SLC6A9: variants seen among roughly 807,000 people sequenced by gnomAD.
The protein encoded by SLC6A9 is solute carrier family 6 member 9.
A neutral mutation model predicts 70.9 loss-of-function variants in SLC6A9; 31 were observed. The ratio of observed to expected loss-of-function variants is 0.44; its 90% CI spans 0.33 to 0.59. The LOEUF is 0.59. Ranked by LOEUF, SLC6A9 falls within the 20% of genes least tolerant of loss-of-function variation. SLC6A9 has a pLI of 0.04. For synonymous variants in SLC6A9, 310 were observed against 341.3 expected (o/e 0.91, Z 1.01); for missense variants, 631 against 845.2 (o/e 0.75, Z 3.14).
rs1351949806 is a variant in SLC6A9, at chr1:44,018,895, A to C, written c.30+5353T>G. Among the ~76,000 whole-genome samples, 2 of 152,154 alleles carry C rather than the reference A, an allele frequency of 1.3e-5. No individual in the cohort carries two copies. The highest frequency in any genetic ancestry group is 2.9e-5 in the Non-Finnish European group (2 of 68,024). ...TAGTGAGCTATGATCACACCACTGC[A>C]CTCCAAACTGGGTGACAAAGTGAGA... On this transcript the variant is annotated intron_variant, in intron 2 of 13. Coordinates refer to ENST00000372310, the MANE Select transcript of SLC6A9 (RefSeq NM_001024845.3). This position sits in a 1 kb window ranked among gnomAD's most constrained non-coding sequence, Gnocchi z 4.2.
At chr1:44,000,662 T>G in intron 12 of SLC6A9, 105 bp downstream of exon 12, 1 of 744,206 alleles carries the variant, frequency 1.3e-6, no homozygotes, top group Non-Finnish European at 2.3e-6. Context: ...GGTATGGAGC[T>G]CCGGCCAGGT....
intron 2 of SLC6A9, chr1:44,017,018 G>C: frequency 6.4e-7 from 1 of 1,561,694 alleles, no homozygotes; most frequent in Non-Finnish European, 8.6e-7. Context: ...CACCAAGGAG[G>C]GGGCTCAACT....
chr1:44,006,397 G>A (rs1001135947), intron 5 of SLC6A9, among the ~76,000 whole-genome samples: 1 of 151,834 alleles, frequency 6.6e-6, no homozygotes, highest in Non-Finnish European at 1.5e-5. Context: ...AGACCAGCCC[G>A]GCCAACATGT....
chr1:44,006,637 G>C (rs997672428), intron 5 of SLC6A9, among the ~76,000 whole-genome samples: 3 of 150,572 alleles, frequency 2.0e-5, no homozygotes, highest in Admixed American at 1.3e-4. Context: ...TCAGTTCCAG[G>C]TGTATTTTTT....
At chr1:44,006,586 CAAAA>C (rs34759206) in intron 5 of SLC6A9, among the ~76,000 whole-genome samples, 1 of 67,602 alleles carries the variant, frequency 1.5e-5, no homozygotes, top group African/African-American at 6.6e-5. Context: ...GATTCTGTCT[CAAAA>C]AAAAAAAAAA....
chr1:44,006,607 A>AG (rs2086325702), intron 5 of SLC6A9, among the ~76,000 whole-genome samples: 1 of 151,740 alleles, frequency 6.6e-6, no homozygotes, highest in Non-Finnish European at 1.5e-5. Flanking sequence ...AAAAAAAAAA[A>AG]AAAGAAATCA....
rs187333672 is a variant in SLC6A9, at chr1:44,008,070, G to A, written c.590+283C>T. Among the ~76,000 whole-genome samples, 302 of 152,060 alleles carry A rather than the reference G, an allele frequency of 2.0e-3. 4 individuals are homozygous for A. The highest frequency in any genetic ancestry group is 0.016 in the Admixed American group (251 of 15,278). ...TTTTTAGTAGAGACAGGGTTTCACC[G>A]TGTTAGCCAGGATGGTCTCGATCTC... is the stretch of plus-strand genomic sequence containing the variant. On this transcript the variant is annotated intron_variant, in intron 5 of 13. Transcript: ENST00000372310.
At chr1:44,023,722 C>T (rs1486499363) in intron 2 of SLC6A9, among the ~76,000 whole-genome samples, 5 of 152,106 alleles carry the variant, frequency 3.3e-5, no homozygotes, top group Non-Finnish European at 7.4e-5. Flanking sequence ...TCCCGTGTCT[C>T]GTGGCCTCAC....
intron 12 of SLC6A9, among the ~76,000 whole-genome samples, chr1:43,999,347 C>T (rs555647260): frequency 1.3e-5 from 2 of 151,606 alleles, no homozygotes; most frequent in Non-Finnish European, 2.9e-5. Flanking sequence ...GGAAGAGCCC[C>T]GCCCGCTGTG....
Position 44,000,894 on chromosome 1 carries a change from C to G in SLC6A9, c.1436-27G>C, listed in dbSNP as rs748912355. 4 of 1,598,734 alleles carry G rather than the reference C, an allele frequency of 2.5e-6. 1 individual carries two copies. In the African/African-American group the frequency reaches 5.4e-5, roughly 21 times the overall value. Reference sequence around the variant, plus strand: ...TGGAGAGATGGGGGGTCAGCAGACCCGCAGGACAGAGTGGGCGGGCCAAGG... The same window carrying G: ...TGGAGAGATGGGGGGTCAGCAGACCGGCAGGACAGAGTGGGCGGGCCAAGG... On this transcript the variant is annotated intron_variant, in intron 11 of 13. Coordinates refer to ENST00000372310, the MANE Select transcript of SLC6A9 (RefSeq NM_001024845.3).
chr1:44,011,715 A>C (rs1183281167), intron 2 of SLC6A9: 1 of 1,613,890 alleles, frequency 6.2e-7, no homozygotes, highest in East Asian at 2.2e-5. Context: ...AACAGGGAGA[A>C]GCGTCACCTG....
At position 43,997,401 on chromosome 1, in the gene SLC6A9, G is replaced by T; in HGVS notation, c.*144C>A. The T allele has an allele frequency of 1.4e-6, 1 of 706,470 alleles. No individual in the cohort carries two copies. Among genetic ancestry groups the T allele is most frequent in the Non-Finnish European group, 2.5e-6 (1 of 402,672 alleles). The allele number at this position is 706,470 out of a possible 1,614,324, so 43.8% of individuals were successfully genotyped here. A position where few individuals can be genotyped will look rare whatever the true frequency, so the allele number is the denominator to read the frequency against. Reference sequence around the variant, plus strand: ...ACTGGGGACATGAGCATGAATGACTGCACTAGCAGTGGTGACCAAGGTGAC... The same window carrying T: ...ACTGGGGACATGAGCATGAATGACTTCACTAGCAGTGGTGACCAAGGTGAC... On this transcript the variant is annotated 3_prime_UTR_variant, in exon 14 of 14. Transcript: ENST00000372310. This position sits in a 1 kb window ranked among gnomAD's most constrained non-coding sequence, Gnocchi z 4.4.
chr1:44,010,464 G>GGGT (rs2086514784), intron 3 of SLC6A9: 1 of 234,588 alleles, frequency 4.3e-6, no homozygotes, highest in Admixed American at 5.7e-5. Flanking sequence ...GGCGGGGGGG[G>GGGT]GGGGGGGTTA....
chr1:43,997,575 G>A lies in SLC6A9; in HGVS notation c.1872C>T (p.Gly624=). 6.2e-7 allele frequency: 1 copy of A among 1,613,726 alleles called. No individual in the cohort carries two copies. Among genetic ancestry groups the A allele is most frequent in the Non-Finnish European group, 8.5e-7 (1 of 1,179,972 alleles). Residue 624 remains glycine (G), a synonymous_variant, in exon 14 of 14, where the codon GGC becomes GGT. Transcript: ENST00000372310. The surrounding 1 kb of genome is among the most constrained non-coding windows in gnomAD (Gnocchi z 4.4). ...KAQIPIVGSN[G]SSRLQDSRI is the part of the protein sequence containing the mutation. ...TCCGGGAGTCCTGGAGGCGGCTGGA[G>A]CCATTACTGCCCACAATGGGGATCT... is the stretch of plus-strand genomic sequence containing the variant.
chr1:43,997,478 T>C lies in SLC6A9; in HGVS notation c.*67A>G. On this transcript the variant is annotated 3_prime_UTR_variant, in exon 14 of 14. Coordinates refer to ENST00000372310, the MANE Select transcript of SLC6A9 (RefSeq NM_001024845.3). The surrounding 1 kb of genome is among the most constrained non-coding windows in gnomAD (Gnocchi z 4.4). ...AGGGGGCAGGCAGAGACACCTGGCC[T>C]CTGCCTCACCAGTCTCTGCGGTGGG... is the stretch of plus-strand genomic sequence containing the variant. 6.9e-7 allele frequency: 1 copy of C among 1,456,772 alleles called. No individual in the cohort carries two copies. The highest frequency in any genetic ancestry group is 1.9e-5 in the Admixed American group (1 of 53,344). 90.2% of individuals were successfully genotyped at this position (1,456,772 alleles called of 1,614,324 possible).
chr1:44,021,310 C>G (rs988327980), intron 2 of SLC6A9, among the ~76,000 whole-genome samples: 3 of 152,180 alleles, frequency 2.0e-5, no homozygotes, highest in Non-Finnish European at 4.4e-5. Context: ...GTCCTAGGAG[C>G]TGCTGAGGCG....
intron 1 of SLC6A9, among the ~76,000 whole-genome samples, chr1:44,030,231 G>A (rs963726694): frequency 9.2e-5 from 14 of 152,276 alleles, no homozygotes; most frequent in African/African-American, 2.9e-4. Flanking sequence ...CGCTTTAATC[G>A]GGGAGAGAGA....
intron 2 of SLC6A9, among the ~76,000 whole-genome samples, chr1:44,015,531 T>A (rs2086711376): frequency 6.6e-6 from 1 of 152,262 alleles, no homozygotes; most frequent in African/African-American, 2.4e-5. Context: ...CATCCCAGAC[T>A]GACTTTGAGC....
chr1:44,001,909 T>G (rs1416553342), intron 8 of SLC6A9, among the ~76,000 whole-genome samples: 3 of 152,130 alleles, frequency 2.0e-5, no homozygotes, highest in Non-Finnish European at 4.4e-5. Flanking sequence ...CTTTTTTATG[T>G]TTTATAAAGA....
Sources: allele counts gnomAD v4.1 joint callset (sites outside exome capture counted in the v4.1 genomes callset), GRCh38; gene constraint gnomAD v4.1.1; non-coding constraint Gnocchi (gnomAD v3.1); transcripts MANE v1.5; gene names NCBI Gene and HGNC (gene_info 2026-07-23, HGNC 2026-07-21).